GUCY2F: variants seen among roughly 807,000 people sequenced by gnomAD.
GUCY2F encodes guanylate cyclase 2F, retinal, also known as retinal guanylyl cyclase 2.
Under a neutral mutation model 73.1 loss-of-function variants are expected in GUCY2F, and 61 were observed. The ratio of observed to expected loss-of-function variants is 0.83; its 90% CI spans 0.68 to 1.03. The LOEUF (loss-of-function observed/expected upper bound fraction) is 1.03, where lower values mean the gene tolerates loss of function less well. Among genes scored for constraint, GUCY2F ranks in the 50% least tolerant of loss-of-function variants. The pLI, the probability that GUCY2F is intolerant of heterozygous loss-of-function variation, is 0.00. For synonymous variants in GUCY2F, 331 were observed against 307.8 expected, an observed-to-expected ratio of 1.08 and a Z score of -0.79; for missense variants, 912 against 854.3, an observed-to-expected ratio of 1.07 and a Z score of -0.84.
At chrX:109,429,585 T>G (rs1461093603) in intron 8 of GUCY2F, among the ~76,000 whole-genome samples, 3 of 111,982 alleles carry the variant, frequency 2.7e-5, no homozygotes, top group African/African-American at 9.7e-5. Flanking sequence ...TTTGTTGGAA[T>G]GATTTGAAAT....
At chrX:109,448,282 G>A in intron 5 of GUCY2F, 117 bp from the exon 6 acceptor site, 3 of 392,864 alleles carry the variant, frequency 7.6e-6, no homozygotes, top group Non-Finnish European at 1.3e-5. Flanking sequence ...GTAATTGGGA[G>A]GATAATCACA....
At chrX:109,476,789 A>ATG (rs1421179285) in intron 1 of GUCY2F, among the ~76,000 whole-genome samples, 2 of 109,160 alleles carry the variant, frequency 1.8e-5, no homozygotes, top group Non-Finnish European at 3.8e-5. Context: ...CTATATATAT[A>ATG]TGTGTGTGTG....
chrX:109,426,522 G>T (rs948672225), intron 8 of GUCY2F, among the ~76,000 whole-genome samples: 3 of 112,054 alleles, frequency 2.7e-5, no homozygotes, highest in African/African-American at 9.7e-5. Context: ...CTGAGTAACT[G>T]GGACTACAGG....
chrX:109,408,565 T>A lies in GUCY2F; in HGVS notation c.1968+427A>T, dbSNP rs774074215. 5.3e-5 allele frequency among the ~76,000 whole-genome samples: 6 copies of A among 112,339 alleles called. No individual in the cohort carries two copies. In the South Asian group the frequency reaches 2.3e-3, roughly 42 times the overall value. ...GCTGTGTCCCCACCCAAATCTCAAC[T>A]CAAATTGTATCTCCCAGAATTCCCA... is the stretch of plus-strand genomic sequence containing the variant. On this transcript the variant is annotated intron_variant, in intron 9 of 19. Transcript: ENST00000218006.
At chrX:109,474,474 C>T (rs1932640873) in intron 2 of GUCY2F, among the ~76,000 whole-genome samples, 1 of 112,178 alleles carries the variant, frequency 8.9e-6, no homozygotes, top group African/African-American at 3.2e-5. Context: ...ATGCACCCAA[C>T]TAACTTTGAG....
intron 6 of GUCY2F, among the ~76,000 whole-genome samples, chrX:109,442,600 G>A (rs758661751): frequency 4.5e-5 from 5 of 110,966 alleles, no homozygotes; most frequent in Non-Finnish European, 9.4e-5. Context: ...TTACACCTTA[G>A]TAGTCTTTGA....
chrX:109,423,044 C>T (rs1292628494), intron 8 of GUCY2F, among the ~76,000 whole-genome samples: 2 of 112,144 alleles, frequency 1.8e-5, no homozygotes, highest in Non-Finnish European at 1.9e-5. Context: ...GTTAAACAAA[C>T]AAACAGAAAA....
At chrX:109,400,314 T>C (rs1930810536) in intron 10 of GUCY2F, among the ~76,000 whole-genome samples, 1 of 110,840 alleles carries the variant, frequency 9.0e-6, no homozygotes, top group African/African-American at 3.3e-5. Flanking sequence ...TCCCTGTGCC[T>C]TGAGAATGAG....
chrX:109,406,243 G>A (rs753542380), intron 9 of GUCY2F, among the ~76,000 whole-genome samples: 1 of 111,996 alleles, frequency 8.9e-6, no homozygotes, highest in East Asian at 2.8e-4. Context: ...GGTGATGCCT[G>A]ATAGATCCAC....
In GUCY2F at chrX:109,393,091, T is replaced by G. The variant is rs771735283; in HGVS notation, c.2425-36A>C. On this transcript the variant is annotated intron_variant, in intron 12 of 19. Coordinates refer to ENST00000218006, the MANE Select transcript of GUCY2F (RefSeq NM_001522.3). ...AATAGAAAAGGGAACCAGAAAATGC[T>G]TACTCATCAAACTCAGAGATGATGG... 4 of 797,172 alleles carry G rather than the reference T, an allele frequency of 5.0e-6. No homozygotes were observed. In the South Asian group the frequency reaches 8.9e-5, roughly 18 times the overall value. 65.7% of individuals were successfully genotyped at this position (797,172 alleles called of 1,213,427 possible). A position where few individuals can be genotyped will look rare whatever the true frequency, so the allele number is the denominator to read the frequency against.
At chrX:109,380,314 G>A (rs765276572) in intron 17 of GUCY2F, among the ~76,000 whole-genome samples, 3 of 111,494 alleles carry the variant, frequency 2.7e-5, no homozygotes, top group Admixed American at 9.5e-5. Context: ...GTGTGCTGGC[G>A]ACATGGTCTT....
At chrX:109,388,851 A>C (rs1409068466) in intron 14 of GUCY2F, among the ~76,000 whole-genome samples, 188 bp from the exon 15 acceptor site, 1 of 111,494 alleles carries the variant, frequency 9.0e-6, no homozygotes, top group Non-Finnish European at 1.9e-5. Context: ...AAAATACTGA[A>C]GTCTAGGCCC....
At chrX:109,408,272 T>C (rs1185900357) in intron 9 of GUCY2F, among the ~76,000 whole-genome samples, 1 of 112,059 alleles carries the variant, frequency 8.9e-6, no homozygotes, top group African/African-American at 3.2e-5. Flanking sequence ...AACCCCTTGG[T>C]ATTGGCCAAT....
Position 109,452,042 on chromosome X carries a change from C to A in GUCY2F, c.1453G>T (p.Gly485Ter). 4.7e-6 allele frequency: 5 copies of A among 1,071,790 alleles called. No individual in the cohort carries two copies. The highest frequency in any genetic ancestry group is 6.5e-6 in the Non-Finnish European group (5 of 768,374). 88.3% of individuals were successfully genotyped at this position (1,071,790 alleles called of 1,213,427 possible). A position where few individuals can be genotyped will look rare whatever the true frequency, so the allele number is the denominator to read the frequency against. ...TLLIALLSIN[G>*]FAYFIRRRIN... ...ATGTACCTTATAAAGTAAGCAAATCCATTAATAGACAGCAGGGCTATAAGC... is the reference window on the plus strand; with the variant it reads ...ATGTACCTTATAAAGTAAGCAAATCAATTAATAGACAGCAGGGCTATAAGC... Residue 485 changes from glycine (G) to a stop codon, truncating the protein, a stop_gained, in exon 5 of 20, where the codon GGA becomes TGA. Coordinates refer to ENST00000218006, the MANE Select transcript of GUCY2F (RefSeq NM_001522.3). LOFTEE classifies it high-confidence loss of function.
chrX:109,430,830 G>A (rs775685676), intron 7 of GUCY2F, among the ~76,000 whole-genome samples: 19 of 111,747 alleles, frequency 1.7e-4, no homozygotes, highest in Non-Finnish European at 3.4e-4. Context: ...GAGATGTAGT[G>A]CAGCAAATGT....
At chrX:109,441,287 TA>T in intron 7 of GUCY2F, 63 bp downstream of exon 7, 1 of 731,472 alleles carries the variant, frequency 1.4e-6, no homozygotes, top group Non-Finnish European at 1.9e-6. Flanking sequence ...GACTAATTAC[TA>T]AATCATTGCC....
chrX:109,408,907 C>CA (rs1191943574), intron 9 of GUCY2F, 85 bp downstream of exon 9: 1 of 525,784 alleles, frequency 1.9e-6, no homozygotes, highest in African/African-American at 2.3e-5. Flanking sequence ...ATGATCACAA[C>CA]AATCTGAGGA....
rs767181738 is a variant in GUCY2F, at chrX:109,413,490, C to T, written c.1792-4322G>A. ...CGCAATCTCGGCTCACTGCAACCTCCGCCTCCCAGGTTCAAGCGATTCTCC... is the reference window on the plus strand; with the variant it reads ...CGCAATCTCGGCTCACTGCAACCTCTGCCTCCCAGGTTCAAGCGATTCTCC... On this transcript the variant is annotated intron_variant, in intron 8 of 19. Transcript: ENST00000218006. Among the ~76,000 whole-genome samples the T allele has an allele frequency of 1.0e-4, 11 of 109,971 alleles. No homozygotes were observed. The East Asian group carries it at 1.7e-3, about 17-fold the overall frequency.
chrX:109,479,351 A>T (rs1174833247), intron 1 of GUCY2F, among the ~76,000 whole-genome samples: 1 of 112,204 alleles, frequency 8.9e-6, no homozygotes, highest in African/African-American at 3.2e-5. Context: ...TTCAATAAAC[A>T]CTGGTTCTTC....
Sources: allele counts gnomAD v4.1 joint callset (sites outside exome capture counted in the v4.1 genomes callset), GRCh38; gene constraint gnomAD v4.1.1; transcripts MANE v1.5; gene names NCBI Gene and HGNC (gene_info 2026-07-23, HGNC 2026-07-21).